Variants in CHRM5 observed in about 807,000 individuals in gnomAD.
The protein encoded by CHRM5 is muscarinic acetylcholine receptor M5.
Under a neutral mutation model 39.0 loss-of-function variants are expected in CHRM5, and 18 were observed. The ratio of observed to expected loss-of-function variants is 0.46; its 90% CI spans 0.32 to 0.68. The LOEUF (loss-of-function observed/expected upper bound fraction) is 0.68, where lower values mean the gene tolerates loss of function less well. Among genes scored for constraint, CHRM5 ranks in the 30% least tolerant of loss-of-function variants. The pLI, the probability that CHRM5 is intolerant of heterozygous loss-of-function variation, is 0.04. For missense variants in CHRM5, 515 were observed against 651.1 expected (o/e 0.79, Z 2.28); for synonymous variants, 241 against 246.3 (o/e 0.98, Z 0.20).
chr15:33,982,877 C>A (rs183775450), intron 1 of CHRM5, among the ~76,000 whole-genome samples: 18 of 152,146 alleles, frequency 1.2e-4, no homozygotes, highest in African/African-American at 4.1e-4. Flanking sequence ...ATCCCAACTT[C>A]TGAGGGAGAT....
At position 34,011,379 on chromosome 15, in the gene CHRM5, AATAAG is replaced by A. The variant is rs560987694; in HGVS notation, c.-407-35157_-407-35153del. On this transcript the variant is annotated intron_variant, in intron 1 of 2. Transcript: ENST00000383263. ...TAAATAAAATATATGTTGTATATTA[AATAAG>A]ATATGCATGATCATATTTGAAAAAA... is the stretch of plus-strand genomic sequence containing the variant. Among the ~76,000 whole-genome samples the A allele has an allele frequency of 1.8e-4, 28 of 152,350 alleles. 1 individual carries two copies. In the East Asian group the frequency reaches 4.2e-3, roughly 23 times the overall value.
At chr15:33,972,183 T>C (rs1416201253) in intron 1 of CHRM5, 3 of 152,066 alleles carry the variant, frequency 2.0e-5, no homozygotes, top group Non-Finnish European at 4.4e-5. Flanking sequence ...GTTGGTTAAA[T>C]TCACAGACCA....
intron 1 of CHRM5, among the ~76,000 whole-genome samples, chr15:34,033,411 CAGG>C (rs1898955581): frequency 6.6e-6 from 1 of 151,212 alleles, no homozygotes; most frequent in African/African-American, 2.4e-5. Context: ...GAGGCTGAGG[CAGG>C]AGAATTGCTT....
chr15:34,039,429 G>T (rs1899367533), intron 1 of CHRM5, among the ~76,000 whole-genome samples: 1 of 152,044 alleles, frequency 6.6e-6, no homozygotes, highest in Non-Finnish European at 1.5e-5. Context: ...AAGTTTAAAC[G>T]TATGTATTTG....
intron 1 of CHRM5, among the ~76,000 whole-genome samples, chr15:33,990,003 G>C (rs1341364969): frequency 6.6e-6 from 1 of 151,636 alleles, no homozygotes; most frequent in African/African-American, 2.4e-5. Context: ...CAGGAGTTGA[G>C]ACCAGCCTGG....
intron 1 of CHRM5, chr15:34,038,868 C>T (rs1899306987): frequency 8.7e-7 from 1 of 1,150,244 alleles, no homozygotes; most frequent in Non-Finnish European, 1.1e-6. Flanking sequence ...GCGAGCGCCG[C>T]GGAAGCCCCG....
intron 2 of CHRM5, among the ~76,000 whole-genome samples, chr15:34,056,189 T>C (rs982500949): frequency 9.9e-5 from 15 of 152,236 alleles, no homozygotes; most frequent in African/African-American, 3.6e-4. Context: ...TGTTTTCTAC[T>C]GTGAGCCTAT....
intron 2 of CHRM5, among the ~76,000 whole-genome samples, chr15:34,054,346 A>G (rs1350498165): frequency 6.6e-6 from 1 of 152,250 alleles, no homozygotes; most frequent in Non-Finnish European, 1.5e-5. Context: ...CCAAGGGACT[A>G]TAAATCATTC....
At chr15:34,038,662 G>GCGCCGC in intron 1 of CHRM5, 1 of 990,870 alleles carries the variant, frequency 1.0e-6, no homozygotes, top group Non-Finnish European at 1.2e-6. Flanking sequence ...GCAGGCGCCG[G>GCGCCGC]CGCCGCCGCC....
In CHRM5 at chr15:34,062,690, C is replaced by T; in HGVS notation, c.-28C>T. The T allele has an allele frequency of 6.3e-7, 1 of 1,583,622 alleles. No individual in the cohort carries two copies. The highest frequency in any genetic ancestry group is 8.6e-7 in the Non-Finnish European group (1 of 1,163,986). On this transcript the variant is annotated 5_prime_UTR_variant, in exon 3 of 3. Coordinates refer to ENST00000383263, the MANE Select transcript of CHRM5 (RefSeq NM_012125.4). Reference sequence around the variant, plus strand: ...ATAGAAAACAGCCTAGAACCTAACACTATTTACTGTAAAATTTTTGCACCA... The same window carrying T: ...ATAGAAAACAGCCTAGAACCTAACATTATTTACTGTAAAATTTTTGCACCA...
At chr15:34,025,705 T>A (rs184045879) in intron 1 of CHRM5, among the ~76,000 whole-genome samples, 3 of 152,052 alleles carry the variant, frequency 2.0e-5, no homozygotes, top group Admixed American at 2.0e-4. Flanking sequence ...CGCTCAAAGG[T>A]TCAGAAGAAA....
intron 1 of CHRM5, among the ~76,000 whole-genome samples, chr15:34,021,852 T>C (rs1409666304): frequency 1.3e-5 from 2 of 151,624 alleles, no homozygotes; most frequent in African/African-American, 2.4e-5. Context: ...CAAGACTCCA[T>C]CTCAAAAATA....
At chr15:33,983,183 C>CGTGT (rs536612414) in intron 1 of CHRM5, among the ~76,000 whole-genome samples, 1 of 96,830 alleles carries the variant, frequency 1.0e-5, no homozygotes, top group African/African-American at 3.6e-5. Flanking sequence ...TATATACACA[C>CGTGT]GTGTGTGTAT....
intron 1 of CHRM5, among the ~76,000 whole-genome samples, chr15:34,037,240 C>T (rs944512323): frequency 1.3e-5 from 2 of 152,096 alleles, no homozygotes; most frequent in South Asian, 2.1e-4. Flanking sequence ...GCGCCAGACA[C>T]CATAGTTAAC....
At chr15:34,057,643 A>G in intron 2 of CHRM5, among the ~76,000 whole-genome samples, 1 of 152,178 alleles carries the variant, frequency 6.6e-6, no homozygotes, top group East Asian at 1.9e-4. Context: ...GTCATACAGT[A>G]AGTTGGAGCC....
chr15:34,003,090 A>G (rs1247400542), intron 1 of CHRM5: 1 of 1,613,856 alleles, frequency 6.2e-7, no homozygotes, highest in African/African-American at 1.3e-5. Context: ...CACTTTCATT[A>G]TTGACCTCTT....
intron 1 of CHRM5, among the ~76,000 whole-genome samples, chr15:34,037,786 C>T (rs1260783609): frequency 3.9e-5 from 6 of 152,054 alleles, no homozygotes; most frequent in South Asian, 2.1e-4. Context: ...CTCTGTATTG[C>T]TGTATACAAC....
chr15:34,006,971 T>C, intron 1 of CHRM5: 2 of 690,104 alleles, frequency 2.9e-6, no homozygotes, highest in Non-Finnish European at 3.6e-6. Flanking sequence ...GTGAAAACTA[T>C]AAAGATAAAG....
rs1230190652 is a variant in CHRM5, at chr15:34,063,572, C to A, written c.855C>A (p.Ser285=). 6.2e-7 allele frequency: 1 copy of A among 1,613,622 alleles called. No homozygotes were observed. Among genetic ancestry groups the A allele is most frequent in the Non-Finnish European group, 8.5e-7 (1 of 1,180,020 alleles). Residue 285 remains serine (S), a synonymous_variant, in exon 3 of 3, where the codon TCC becomes TCA. Coordinates refer to ENST00000383263, the MANE Select transcript of CHRM5 (RefSeq NM_012125.4). The surrounding 1 kb of genome is among the most constrained non-coding windows in gnomAD (Gnocchi z 4.1). ...RRSTSTTGKP[S]QATGPSANWA... ...GCACCTCCACCACTGGGAAGCCATC[C>A]CAAGCCACTGGCCCAAGCGCCAATT...
Sources: allele counts gnomAD v4.1 joint callset (sites outside exome capture counted in the v4.1 genomes callset), GRCh38; gene constraint gnomAD v4.1.1; non-coding constraint Gnocchi (gnomAD v3.1); transcripts MANE v1.5; gene names NCBI Gene and HGNC (gene_info 2026-07-23, HGNC 2026-07-21).